Variants in OSBP2 observed in about 807,000 individuals in gnomAD.
The protein encoded by OSBP2 is oxysterol binding protein 2, also known as oxysterol-binding protein 2.
A neutral mutation model predicts 96.0 loss-of-function variants in OSBP2; 66 were observed. That is an observed-to-expected ratio of 0.69 (90% CI 0.56 to 0.84). OSBP2 has a LOEUF of 0.84. Among genes scored for constraint, OSBP2 ranks in the 40% least tolerant of loss-of-function variants. The pLI is 0.00. For synonymous variants in OSBP2, 525 were observed against 520.9 expected (o/e 1.01, Z -0.11); for missense variants, 1,038 against 1,222.7 (o/e 0.85, Z 2.25).
chr22:30,862,544 G>A (rs887552169), intron 2 of OSBP2, among the ~76,000 whole-genome samples: 2 of 152,174 alleles, frequency 1.3e-5, no homozygotes, highest in South Asian at 2.1e-4. Context: ...GCTGGGCCTG[G>A]TGGCACATGC....
At chr22:30,746,867 A>C (rs2090008254) in intron 2 of OSBP2, among the ~76,000 whole-genome samples, 1 of 152,200 alleles carries the variant, frequency 6.6e-6, no homozygotes. Flanking sequence ...GTCACAAGAA[A>C]AGAAAAGTAT....
intron 2 of OSBP2, among the ~76,000 whole-genome samples, chr22:30,792,299 C>A (rs544481320): frequency 6.6e-6 from 1 of 150,622 alleles, no homozygotes; most frequent in Non-Finnish European, 1.5e-5. Context: ...GGCGACAGAG[C>A]GAGACTCTAC....
At chr22:30,888,370 C>T in intron 5 of OSBP2, 30 bp downstream of exon 5, 2 of 1,327,918 alleles carry the variant, frequency 1.5e-6, no homozygotes, top group South Asian at 1.2e-5. Flanking sequence ...GCAGAGCCTC[C>T]CCCACCCTGG....
intron 2 of OSBP2, chr22:30,822,814 T>A: frequency 1.0e-6 from 1 of 979,052 alleles, no homozygotes; most frequent in Non-Finnish European, 1.4e-6. Context: ...GCCTCTGATG[T>A]CACTCCCTCG....
chr22:30,906,198 G>A lies in OSBP2; in HGVS notation c.2610G>A (p.Glu870=). The A allele has an allele frequency of 6.2e-7, 1 of 1,613,996 alleles. No homozygotes were observed. The highest frequency in any genetic ancestry group is 8.5e-7 in the Non-Finnish European group (1 of 1,179,964). The part of the protein sequence containing the change: ...GPGSSCSSEE[E]KEADAYTPLW... The stretch of plus-strand genomic sequence containing the variant: ...CAGCCCACTGTGCCTGCCCAGCAGA[G>A]AAGGAGGCGGATGCCTACACGCCAC... Residue 870 remains glutamate, a splice_region_variant and synonymous_variant, in exon 14 of 14, where the codon GAG becomes GAA. Coordinates refer to ENST00000332585, the MANE Select transcript of OSBP2 (RefSeq NM_030758.4).
At chr22:30,796,367 T>A (rs909840959) in intron 2 of OSBP2, among the ~76,000 whole-genome samples, 3 of 152,196 alleles carry the variant, frequency 2.0e-5, no homozygotes, top group Non-Finnish European at 4.4e-5. Context: ...TTTAGAACAT[T>A]GTAAACATAA....
intron 2 of OSBP2, among the ~76,000 whole-genome samples, chr22:30,781,045 G>C (rs537835711): frequency 2.0e-5 from 3 of 148,472 alleles, no homozygotes; most frequent in Admixed American, 1.3e-4. Flanking sequence ...GCGTGATCTC[G>C]GCTCACTGCA....
At chr22:30,813,171 C>CTTT (rs911860511) in intron 2 of OSBP2, among the ~76,000 whole-genome samples, 11 of 78,588 alleles carry the variant, frequency 1.4e-4, no homozygotes, top group Non-Finnish European at 1.7e-4. Flanking sequence ...ATGTTGCATT[C>CTTT]TTTTTTTTTT....
At chr22:30,834,177 C>T (rs907426313) in intron 2 of OSBP2, among the ~76,000 whole-genome samples, 1 of 151,978 alleles carries the variant, frequency 6.6e-6, no homozygotes, top group Non-Finnish European at 1.5e-5. Context: ...AGCCTCCCAA[C>T]TTTATTCATT....
At chr22:30,752,443 C>T (rs973200680) in intron 2 of OSBP2, among the ~76,000 whole-genome samples, 2 of 151,476 alleles carry the variant, frequency 1.3e-5, no homozygotes, top group Admixed American at 1.3e-4. Flanking sequence ...GGACTACAGG[C>T]GCCCACCACC....
chr22:30,750,218 CTCTCG>C (rs1470724775), intron 2 of OSBP2, among the ~76,000 whole-genome samples: 1 of 152,156 alleles, frequency 6.6e-6, no homozygotes, highest in Non-Finnish European at 1.5e-5. Context: ...GTGCCTCAGC[CTCTCG>C]TCTATGGAAT....
intron 2 of OSBP2, among the ~76,000 whole-genome samples, chr22:30,837,261 C>CAAAAA (rs34674333): frequency 9.0e-6 from 1 of 110,834 alleles, no homozygotes; most frequent in African/African-American, 3.2e-5. Context: ...GACTCTGTCT[C>CAAAAA]AAAAAAAAAA....
intron 13 of OSBP2, 33 bp from the exon 14 acceptor site, chr22:30,906,164 C>T: frequency 6.2e-7 from 1 of 1,613,460 alleles, no homozygotes; most frequent in Non-Finnish European, 8.5e-7. Flanking sequence ...AGGCCACAAG[C>T]CCACCCACCA....
At chr22:30,742,649 G>A (rs1457092417) in intron 2 of OSBP2, among the ~76,000 whole-genome samples, 1 of 152,098 alleles carries the variant, frequency 6.6e-6, no homozygotes, top group East Asian at 1.9e-4. Flanking sequence ...AATTTTCCCT[G>A]TCAATATGTA....
At chr22:30,710,163 G>A (rs1267584869) in intron 1 of OSBP2, among the ~76,000 whole-genome samples, 1 of 152,126 alleles carries the variant, frequency 6.6e-6, no homozygotes, top group Non-Finnish European at 1.5e-5. Flanking sequence ...GCGATTACAG[G>A]TGTGAGCCAC....
intron 3 of OSBP2, among the ~76,000 whole-genome samples, chr22:30,887,127 T>C (rs2039828462): frequency 6.6e-6 from 1 of 152,142 alleles, no homozygotes; most frequent in African/African-American, 2.4e-5. Flanking sequence ...ACTGTGGCGC[T>C]GGTGGGAGTG....
chr22:30,698,761 G>A (rs1217392725), intron 1 of OSBP2, among the ~76,000 whole-genome samples: 1 of 151,736 alleles, frequency 6.6e-6, no homozygotes, highest in Middle Eastern at 3.2e-3. Flanking sequence ...AGTGAAGCCT[G>A]GTGTTTGGAG....
chr22:30,815,205 C>T (rs1410381658), intron 2 of OSBP2, among the ~76,000 whole-genome samples: 3 of 152,206 alleles, frequency 2.0e-5, no homozygotes, highest in African/African-American at 7.2e-5. Context: ...ACGGCTTGAG[C>T]CCAGGAGGCA....
chr22:30,733,626 C>T lies in OSBP2; in HGVS notation c.645-7535C>T, dbSNP rs115164266. Among the ~76,000 whole-genome samples the T allele has an allele frequency of 6.1e-3, 921 of 152,216 alleles. 7 individuals carry two copies. Among genetic ancestry groups the T allele is most frequent in the African/African-American group, 0.021 (867 of 41,548 alleles). On this transcript the variant is annotated intron_variant, in intron 1 of 13. Transcript: ENST00000332585. ...TTAAATGGAGGAGAGAGAGAGGGGA[C>T]GGAGGAGGTGCACCATTCTTAGTTG... is the stretch of plus-strand genomic sequence containing the variant.
Sources: gnomAD v4.1 joint callset for allele counts (sites outside exome capture counted in the v4.1 genomes callset) on GRCh38, gnomAD v4.1.1 for gene constraint, MANE v1.5 for transcripts, NCBI Gene and HGNC (gene_info 2026-07-23, HGNC 2026-07-21) for gene names.